DLG2: variants seen among roughly 807,000 people sequenced by gnomAD.
DLG2 encodes the protein discs large MAGUK scaffold protein 2.
In DLG2, 45 loss-of-function variants were observed where a neutral mutation model predicts 132.5. The ratio of observed to expected loss-of-function variants is 0.34; its 90% CI spans 0.27 to 0.44. The LOEUF (loss-of-function observed/expected upper bound fraction) is 0.44. Among genes scored for constraint, DLG2 ranks in the 20% least tolerant of loss-of-function variants. The pLI is 1.00. For missense variants in DLG2, 1,045 were observed against 1,196.9 expected (o/e 0.87, Z 1.87); for synonymous variants, 424 against 419.6 (o/e 1.01, Z -0.13).
At chr11:84,294,178 T>C (rs1473308699) in intron 7 of DLG2, among the ~76,000 whole-genome samples, 1 of 152,250 alleles carries the variant, frequency 6.6e-6, no homozygotes, top group Non-Finnish European at 1.5e-5. Context: ...CCTAGGTCCT[T>C]CTTGCTAAAC....
intron 7 of DLG2, among the ~76,000 whole-genome samples, chr11:84,531,687 G>GA (rs2099341652): frequency 6.6e-6 from 1 of 152,128 alleles, no homozygotes; most frequent in Non-Finnish European, 1.5e-5. Context: ...CCAAAAAGGA[G>GA]AAAAATCTAT....
intron 3 of DLG2, among the ~76,000 whole-genome samples, chr11:85,498,339 T>C (rs530732969): frequency 6.6e-6 from 1 of 152,130 alleles, no homozygotes; most frequent in Non-Finnish European, 1.5e-5. Context: ...AAGAATGCCA[T>C]TACATAATGG....
At chr11:83,478,680 A>C (rs552055322) in intron 22 of DLG2, among the ~76,000 whole-genome samples, 8 of 152,164 alleles carry the variant, frequency 5.3e-5, no homozygotes, top group African/African-American at 1.9e-4. Flanking sequence ...TGTATAGTAT[A>C]TATTTTCCAT....
chr11:83,890,326 G>T (rs60224934), intron 15 of DLG2, among the ~76,000 whole-genome samples: 38,607 of 149,284 alleles, frequency 0.26, 5,164 homozygotes, highest in East Asian at 0.48. Flanking sequence ...AAAAGGTAGA[G>T]TTTTTTTTTT....
chr11:84,802,770 C>T (rs529858245), intron 6 of DLG2, among the ~76,000 whole-genome samples: 7 of 152,014 alleles, frequency 4.6e-5, no homozygotes, highest in South Asian at 2.1e-4. Flanking sequence ...AAGCAATTTA[C>T]GCTCTTTGTT....
intron 6 of DLG2, among the ~76,000 whole-genome samples, chr11:84,892,975 G>C (rs117700079): frequency 9.0e-4 from 137 of 152,218 alleles, no homozygotes; most frequent in Non-Finnish European, 1.5e-3. Flanking sequence ...AAGAGACTCA[G>C]AAGTTACACA....
chr11:84,678,489 C>T (rs1270755168), intron 6 of DLG2, among the ~76,000 whole-genome samples: 1 of 152,022 alleles, frequency 6.6e-6, no homozygotes, highest in Non-Finnish European at 1.5e-5. Flanking sequence ...CAGTCAAGTC[C>T]TGCCACTTAA....
chr11:83,969,972 T>C (rs1199584222), intron 12 of DLG2, among the ~76,000 whole-genome samples: 1 of 151,502 alleles, frequency 6.6e-6, no homozygotes, highest in Non-Finnish European at 1.5e-5. Context: ...CAGCTTTTAA[T>C]ACTGTGACTA....
At chr11:84,529,007 A>G (rs2099328989) in intron 7 of DLG2, among the ~76,000 whole-genome samples, 1 of 152,206 alleles carries the variant, frequency 6.6e-6, no homozygotes, top group African/African-American at 2.4e-5. Flanking sequence ...GTAGCCTGAA[A>G]TCAGCCAGGC....
intron 6 of DLG2, among the ~76,000 whole-genome samples, chr11:84,837,916 A>G (rs1340984999): frequency 6.6e-6 from 1 of 151,790 alleles, no homozygotes; most frequent in African/African-American, 2.4e-5. Flanking sequence ...GCAAACTCCC[A>G]GGCCCCACAC....
At chr11:84,127,706 T>C (rs1023540443) in intron 9 of DLG2, among the ~76,000 whole-genome samples, 1 of 152,176 alleles carries the variant, frequency 6.6e-6, no homozygotes, top group Non-Finnish European at 1.5e-5. Flanking sequence ...AGCCCTGGGA[T>C]TACAGGTGTG....
At chr11:83,501,135 G>T (rs920558048) in intron 21 of DLG2, among the ~76,000 whole-genome samples, 7 of 151,438 alleles carry the variant, frequency 4.6e-5, no homozygotes, top group African/African-American at 1.7e-4. Flanking sequence ...GAGAAATGGG[G>T]CTCAGAACAT....
intron 9 of DLG2, among the ~76,000 whole-genome samples, chr11:84,105,388 C>A (rs1404440676): frequency 6.6e-6 from 1 of 152,112 alleles, no homozygotes; most frequent in African/African-American, 2.4e-5. Flanking sequence ...TCAAATGACA[C>A]AGGCACCAGC....
chr11:85,100,857 A>G lies in DLG2; in HGVS notation c.357+10804T>C, dbSNP rs532208910. Among the ~76,000 whole-genome samples, 8 of 152,280 alleles carry G rather than the reference A, an allele frequency of 5.3e-5. 1 individual carries two copies. In the South Asian group the frequency reaches 1.4e-3, roughly 28 times the overall value. ...AACTGTCAAAGAAAGAGAGGCTCAT[A>G]AACGTGAATCATCCTGAGAATTAAG... On this transcript the variant is annotated intron_variant, in intron 6 of 27. Transcript: ENST00000376104.
intron 8 of DLG2, among the ~76,000 whole-genome samples, chr11:84,236,998 G>A (rs1222618932): frequency 5.4e-5 from 8 of 149,062 alleles, no homozygotes; most frequent in Admixed American, 4.1e-4. Flanking sequence ...GCATCATCTC[G>A]GCTCACTGCA....
chr11:83,857,819 T>C (rs1164349218), intron 16 of DLG2, among the ~76,000 whole-genome samples: 11 of 147,156 alleles, frequency 7.5e-5, no homozygotes, highest in Non-Finnish European at 1.7e-4. Flanking sequence ...TTTCTGCTCT[T>C]TTTTTTTTTT....
At chr11:83,598,077 T>A (rs903129488) in intron 19 of DLG2, among the ~76,000 whole-genome samples, 1 of 152,222 alleles carries the variant, frequency 6.6e-6, no homozygotes, top group Non-Finnish European at 1.5e-5. Context: ...CCTGGTTGAT[T>A]TGCTATTTGC....
chr11:85,590,262 T>C lies in DLG2; in HGVS notation c.40+8395A>G, dbSNP rs542926140. 5.9e-5 allele frequency among the ~76,000 whole-genome samples: 9 copies of C among 152,306 alleles called. No individual in the cohort carries two copies. The East Asian group carries it at 1.7e-3, about 29-fold the overall frequency. ...CCAGATTTGGCTGAATTAGAACTGG[T>C]CCCTGCATTCAAGAAGCTCACAGTC... On this transcript the variant is annotated intron_variant, in intron 3 of 27. Coordinates refer to ENST00000376104, the MANE Select transcript of DLG2 (RefSeq NM_001142699.3).
chr11:84,640,571 A>G, intron 6 of DLG2: 1 of 280,604 alleles, frequency 3.6e-6, no homozygotes, highest in Non-Finnish European at 6.9e-6. Flanking sequence ...AATAAGGTCT[A>G]AGAGTTGCCC....
Sources: gnomAD v4.1 joint callset for allele counts (sites outside exome capture counted in the v4.1 genomes callset) on GRCh38, gnomAD v4.1.1 for gene constraint, MANE v1.5 for transcripts, NCBI Gene and HGNC (gene_info 2026-07-23, HGNC 2026-07-21) for gene names.